Variants in MYO9B observed in about 807,000 individuals in gnomAD.
MYO9B encodes unconventional myosin-IXb.
MYO9B carries 71 observed loss-of-function variants against 229.5 expected under a neutral mutation model. That is an observed-to-expected ratio of 0.31 (90% CI 0.26 to 0.38). The LOEUF (loss-of-function observed/expected upper bound fraction) is 0.38, where lower values mean the gene tolerates loss of function less well. Ranked by LOEUF, MYO9B falls within the 10% of genes least tolerant of loss-of-function variation. The pLI, the probability that MYO9B is intolerant of heterozygous loss-of-function variation, is 1.00. For missense variants in MYO9B, 2,255 were observed against 2,920.5 expected (o/e 0.77, Z 5.25); for synonymous variants, 1,185 against 1,235.8 (o/e 0.96, Z 0.86).
chr19:17,165,075 G>T (rs193033489), intron 10 of MYO9B, among the ~76,000 whole-genome samples: 1 of 152,204 alleles, frequency 6.6e-6, no homozygotes, highest in African/African-American at 2.4e-5. Flanking sequence ...TTGCTATGTT[G>T]CCCAGGCTGG....
chr19:17,175,787 G>T, intron 14 of MYO9B, 46 bp downstream of exon 14: 1 of 1,354,340 alleles, frequency 7.4e-7, no homozygotes, highest in Admixed American at 2.1e-5. Flanking sequence ...TTAGGTGGCA[G>T]CAGCATTGTT....
At chr19:17,118,323 C>T (rs2057926752) in intron 2 of MYO9B, among the ~76,000 whole-genome samples, 1 of 151,618 alleles carries the variant, frequency 6.6e-6, no homozygotes, top group African/African-American at 2.4e-5. Flanking sequence ...AGATGGAGGC[C>T]GGGAGCCATG....
chr19:17,191,326 T>C, intron 20 of MYO9B, 107 bp downstream of exon 20: 1 of 1,345,340 alleles, frequency 7.4e-7, no homozygotes, highest in South Asian at 1.5e-5. Context: ...TACAGGGCTC[T>C]GTCTAGGAAA....
chr19:17,206,188 C>A (rs777895707), intron 32 of MYO9B, 36 bp downstream of exon 32: 61 of 1,606,322 alleles, frequency 3.8e-5, no homozygotes, highest in Non-Finnish European at 5.2e-5. Flanking sequence ...AGTGCCAGGC[C>A]CCAGGCACAG....
At chr19:17,109,712 G>A (rs920502266) in intron 2 of MYO9B, among the ~76,000 whole-genome samples, 1 of 152,306 alleles carries the variant, frequency 6.6e-6, no homozygotes, top group South Asian at 2.1e-4. Flanking sequence ...CATCCTTGGA[G>A]CTCTGGGCTT....
chr19:17,140,322 G>C (rs900337349), intron 2 of MYO9B, among the ~76,000 whole-genome samples: 1 of 152,076 alleles, frequency 6.6e-6, no homozygotes, highest in Non-Finnish European at 1.5e-5. Flanking sequence ...CCCTCTTCTT[G>C]GTTCATTGAT....
At chr19:17,205,025 C>A (rs2073144253) in intron 30 of MYO9B, among the ~76,000 whole-genome samples, 1 of 152,176 alleles carries the variant, frequency 6.6e-6, no homozygotes, top group Admixed American at 6.5e-5. Context: ...GTGGCGCACA[C>A]CTGTAATCCC....
At chr19:17,161,686 C>T (rs188441314) in intron 8 of MYO9B, among the ~76,000 whole-genome samples, 1 of 151,924 alleles carries the variant, frequency 6.6e-6, no homozygotes, top group Non-Finnish European at 1.5e-5. Context: ...CATGGTGGTG[C>T]GTGCCTGTAA....
intron 5 of MYO9B, 55 bp downstream of exon 5, chr19:17,154,121 T>C: frequency 1.3e-6 from 2 of 1,531,050 alleles, no homozygotes; most frequent in South Asian, 1.1e-5. Flanking sequence ...GGCCTCAAGC[T>C]GTTTATGTAT....
intron 1 of MYO9B, among the ~76,000 whole-genome samples, chr19:17,087,263 C>T (rs10406406): frequency 0.58 from 88,818 of 151,844 alleles, 26,977 homozygotes; most frequent in African/African-American, 0.74. Flanking sequence ...GGCCAGAATG[C>T]GCTGAAAGAA....
intron 1 of MYO9B, among the ~76,000 whole-genome samples, chr19:17,082,954 G>C (rs1008591294): frequency 2.6e-5 from 4 of 151,736 alleles, no homozygotes; most frequent in Non-Finnish European, 4.4e-5. Context: ...CCAAGTGAGC[G>C]TGGGGTTGGA....
chr19:17,134,485 G>A (rs560916600), intron 2 of MYO9B, among the ~76,000 whole-genome samples: 2 of 141,376 alleles, frequency 1.4e-5, no homozygotes, highest in Non-Finnish European at 3.0e-5. Context: ...TCTGCCTCTC[G>A]GTTTCAAGCG....
intron 38 of MYO9B, among the ~76,000 whole-genome samples, chr19:17,211,159 T>G (rs2073224443): frequency 6.6e-6 from 1 of 151,962 alleles, no homozygotes; most frequent in Admixed American, 6.6e-5. Flanking sequence ...TTTTGTGTTT[T>G]TAATAGAGAC....
intron 20 of MYO9B, among the ~76,000 whole-genome samples, chr19:17,191,956 CT>C (rs5827361): frequency 0.53 from 80,646 of 151,378 alleles, 23,405 homozygotes; most frequent in African/African-American, 0.74. Context: ...GATCTCATTT[CT>C]TTTTTCTTTT....
At chr19:17,196,107 G>A (rs80274543) in intron 22 of MYO9B, among the ~76,000 whole-genome samples, 1 of 140,832 alleles carries the variant, frequency 7.1e-6, no homozygotes, top group Non-Finnish European at 1.5e-5. Context: ...GATGGATGGA[G>A]GGAGGGAGGG....
Position 17,135,172 on chromosome 19 carries a change from T to C in MYO9B, c.841-10225T>C, listed in dbSNP as rs140519901. Among the ~76,000 whole-genome samples the C allele has an allele frequency of 1.8e-3, 279 of 152,336 alleles. 1 individual carries two copies. Among genetic ancestry groups the C allele is most frequent in the African/African-American group, 6.5e-3 (270 of 41,568 alleles). ...GTACTGATGTCATTTCCTTTGGATA[T>C]ATACCCAGAAGTGGGATTGCTAGAC... On this transcript the variant is annotated intron_variant, in intron 2 of 39. Transcript: ENST00000682292.
In MYO9B at chr19:17,192,777, T is replaced by C; in HGVS notation, c.2843T>C (p.Leu948Pro). Residue 948 changes from leucine to proline, a missense_variant, in exon 21 of 40, where the codon CTG (leucine) becomes CCG (proline). Leu to Pro is a moderately conservative substitution (Grantham distance 98). Transcript: ENST00000682292. Reference sequence around the variant, plus strand: ...CTGAAGGAGACGGAGCGGCAAGCCCTGCAGGAGACGCTGCACCGGGAGGTG... The same window carrying C: ...CTGAAGGAGACGGAGCGGCAAGCCCCGCAGGAGACGCTGCACCGGGAGGTG... ...VFLKETERQALQETLHREVVR... is the reference protein window; with the variant it reads ...VFLKETERQAPQETLHREVVR... The C allele has an allele frequency of 1.3e-6, 2 of 1,557,768 alleles. No individual in the cohort carries two copies. Among genetic ancestry groups the C allele is most frequent in the Non-Finnish European group, 1.7e-6 (2 of 1,151,460 alleles).
intron 3 of MYO9B, among the ~76,000 whole-genome samples, 163 bp downstream of exon 3, chr19:17,145,654 A>T (rs911973035): frequency 6.6e-6 from 1 of 151,918 alleles, no homozygotes; most frequent in Non-Finnish European, 1.5e-5. Flanking sequence ...GAAGGTCTGG[A>T]ACAGTAGGTT....
At chr19:17,078,286 C>T (rs191437915) in intron 1 of MYO9B, among the ~76,000 whole-genome samples, 11 of 152,252 alleles carry the variant, frequency 7.2e-5, no homozygotes, top group African/African-American at 2.4e-4. Flanking sequence ...GTGGCTCAGG[C>T]CTGTAATCCC....
Sources: gnomAD v4.1 joint callset for allele counts (sites outside exome capture counted in the v4.1 genomes callset) on GRCh38, gnomAD v4.1.1 for gene constraint, MANE v1.5 for transcripts, NCBI Gene and HGNC (gene_info 2026-07-23, HGNC 2026-07-21) for gene names.